The following KAZN variants were observed in gnomAD, a reference collection of about 807,000 sequenced individuals.
KAZN encodes kazrin.
A neutral mutation model predicts 87.4 loss-of-function variants in KAZN; 40 were observed. The ratio of observed to expected loss-of-function variants is 0.46; its 90% CI spans 0.36 to 0.60. The LOEUF (loss-of-function observed/expected upper bound fraction) is 0.60. KAZN is among the 20% of genes least tolerant of loss of function. KAZN has a pLI of 0.00. For missense variants in KAZN, 898 were observed against 1,073.9 expected (o/e 0.84, Z 2.29); for synonymous variants, 466 against 458.3 (o/e 1.02, Z -0.22).
intron 2 of KAZN, among the ~76,000 whole-genome samples, chr1:14,437,790 C>T (rs951470111): frequency 6.6e-6 from 1 of 152,100 alleles, no homozygotes. Context: ...CGGTACCTCC[C>T]CCGTGTATGT....
At chr1:14,827,943 T>C (rs1261245333) in intron 1 of KAZN, among the ~76,000 whole-genome samples, 1 of 152,222 alleles carries the variant, frequency 6.6e-6, no homozygotes, top group Non-Finnish European at 1.5e-5. Context: ...AAAAGTTGGC[T>C]GTGGCCCTTC....
chr1:14,698,264 G>A (rs945727755), intron 1 of KAZN, among the ~76,000 whole-genome samples: 38 of 152,122 alleles, frequency 2.5e-4, no homozygotes, highest in African/African-American at 5.3e-4. Flanking sequence ...GAAGTGAGCC[G>A]CCACCAGCCA....
At chr1:14,438,113 G>C (rs1245197690) in intron 2 of KAZN, among the ~76,000 whole-genome samples, 1 of 134,062 alleles carries the variant, frequency 7.5e-6, no homozygotes, top group Non-Finnish European at 1.6e-5. Flanking sequence ...AAAAAAAAAA[G>C]ATCTGAGCAA....
chr1:14,387,300 T>C (rs1308782436), intron 2 of KAZN, among the ~76,000 whole-genome samples: 1 of 152,210 alleles, frequency 6.6e-6, no homozygotes, highest in East Asian at 1.9e-4. Flanking sequence ...TCTGAAGCCT[T>C]CTTCTCTCAG....
At chr1:14,425,593 G>A (rs1248683508) in intron 2 of KAZN, among the ~76,000 whole-genome samples, 2 of 152,196 alleles carry the variant, frequency 1.3e-5, no homozygotes, top group African/African-American at 2.4e-5. Context: ...CTTGAATCCC[G>A]GTCTCACCCC....
Position 14,599,247 on chromosome 1 carries a change from G to A in KAZN, c.226+24G>A. The A allele has an allele frequency of 1.5e-6, 2 of 1,346,252 alleles. No homozygotes were observed. The highest frequency in any genetic ancestry group is 1.9e-6 in the Non-Finnish European group (2 of 1,053,472). 83.4% of individuals were successfully genotyped at this position (1,346,252 alleles called of 1,614,324 possible). On this transcript the variant is annotated intron_variant, in intron 1 of 14. Coordinates refer to ENST00000376030, the MANE Select transcript of KAZN (RefSeq NM_201628.3). The surrounding 1 kb of genome is among the most constrained non-coding windows in gnomAD (Gnocchi z 4.4). ...AGGTAGGATCGCCCCGGCGCCCAGG[G>A]CGGAGGAAGGCGAGCAGAGCACGCC...
intron 13 of KAZN, among the ~76,000 whole-genome samples, chr1:15,105,486 TA>T (rs1203651511): frequency 5.9e-5 from 9 of 152,298 alleles, no homozygotes; most frequent in African/African-American, 1.9e-4. Flanking sequence ...TAGTGCCTCT[TA>T]TATATAAAGT....
chr1:13,962,197 G>A (rs990961777), intron 1 of KAZN, among the ~76,000 whole-genome samples: 2 of 152,168 alleles, frequency 1.3e-5, no homozygotes, highest in Non-Finnish European at 2.9e-5. Context: ...CCGGGGCTCT[G>A]GGCTGGGTAC....
chr1:14,714,197 CT>C (rs1642656083), intron 1 of KAZN, among the ~76,000 whole-genome samples: 1 of 152,136 alleles, frequency 6.6e-6, no homozygotes, highest in South Asian at 2.1e-4. Context: ...TTCCTGCCAC[CT>C]GGTCCACCTC....
chr1:14,166,927 TAAGGAAGTG>T (rs1192328889), intron 1 of KAZN, among the ~76,000 whole-genome samples: 4 of 152,182 alleles, frequency 2.6e-5, no homozygotes, highest in Non-Finnish European at 5.9e-5. Context: ...ACAGACTCAG[TAAGGAAGTG>T]AAGAATAAGT....
intron 8 of KAZN, among the ~76,000 whole-genome samples, chr1:15,087,132 GA>G (rs1357805487): frequency 6.6e-6 from 1 of 151,894 alleles, no homozygotes; most frequent in Non-Finnish European, 1.5e-5. Flanking sequence ...ACAAACCAAA[GA>G]AAAAAATAAT....
chr1:15,047,927 T>G (rs972975690), intron 4 of KAZN, among the ~76,000 whole-genome samples: 1 of 152,174 alleles, frequency 6.6e-6, no homozygotes, highest in Non-Finnish European at 1.5e-5. Flanking sequence ...CTGTGGCCCA[T>G]CTTGGGCCAC....
chr1:14,419,842 A>G (rs1056211070), intron 2 of KAZN, among the ~76,000 whole-genome samples: 1 of 152,154 alleles, frequency 6.6e-6, no homozygotes, highest in Non-Finnish European at 1.5e-5. Context: ...AAGTGAAGCC[A>G]GACACCTTTG....
chr1:14,768,668 T>C (rs1177397101), intron 1 of KAZN, among the ~76,000 whole-genome samples: 1 of 152,226 alleles, frequency 6.6e-6, no homozygotes, highest in Non-Finnish European at 1.5e-5. Context: ...AGCAGTTTCT[T>C]ACTGAACTGT....
intron 1 of KAZN, among the ~76,000 whole-genome samples, chr1:14,129,602 G>T (rs756960795): frequency 1.3e-5 from 2 of 152,148 alleles, no homozygotes; most frequent in Non-Finnish European, 2.9e-5. Context: ...ATGAGTCTTG[G>T]GGGAAGGCAC....
Position 14,549,183 on chromosome 1 carries a change from G to T in KAZN, c.250-49800G>T, listed in dbSNP as rs977261080. 8.6e-5 allele frequency among the ~76,000 whole-genome samples: 13 copies of T among 151,982 alleles called. 1 individual carries two copies. The South Asian group carries it at 2.7e-3, about 32-fold the overall frequency. On this transcript the variant is annotated intron_variant, in intron 2 of 16. Transcript: ENST00000636203. Reference sequence around the variant, plus strand: ...TCTGTGTAGATAATCATATTATCATGTTGTTTTAGTTTCTGTCTTTCTTGC... The same window carrying T: ...TCTGTGTAGATAATCATATTATCATTTTGTTTTAGTTTCTGTCTTTCTTGC...
intron 1 of KAZN, among the ~76,000 whole-genome samples, chr1:14,908,990 A>C (rs1483193751): frequency 1.3e-5 from 2 of 152,190 alleles, no homozygotes; most frequent in Admixed American, 6.5e-5. Context: ...CTCAAAAAAA[A>C]AAAGAGCATG....
At chr1:14,224,823 TC>T (rs1310130694) in intron 2 of KAZN, among the ~76,000 whole-genome samples, 1 of 152,188 alleles carries the variant, frequency 6.6e-6, no homozygotes, top group African/African-American at 2.4e-5. Flanking sequence ...TTTTGTAACA[TC>T]CGTTTGCTCC....
intron 2 of KAZN, among the ~76,000 whole-genome samples, chr1:14,271,562 G>C (rs1300747002): frequency 6.6e-6 from 1 of 152,178 alleles, no homozygotes; most frequent in Non-Finnish European, 1.5e-5. Context: ...AAATATAACT[G>C]TCATCTCTGC....
Sources: allele counts gnomAD v4.1 joint callset (sites outside exome capture counted in the v4.1 genomes callset), GRCh38; gene constraint gnomAD v4.1.1; non-coding constraint Gnocchi (gnomAD v3.1); transcripts MANE v1.5; gene names NCBI Gene and HGNC (gene_info 2026-07-23, HGNC 2026-07-21).